The following AQP9 variants were observed in gnomAD, a reference collection of about 807,000 sequenced individuals.
The protein encoded by AQP9 is aquaporin-9.
In AQP9, 19 loss-of-function variants were observed where a neutral mutation model predicts 23.8. The observed-to-expected ratio is 0.80, with a 90% confidence interval of 0.56 to 1.17. AQP9 has a LOEUF of 1.17. Among genes scored for constraint, AQP9 ranks in the 50% most tolerant of loss-of-function variants. The pLI is 0.00. For missense variants in AQP9, 413 were observed against 362.0 expected (o/e 1.14, Z -1.14); for synonymous variants, 153 against 131.5 (o/e 1.16, Z -1.12).
rs149938012 is a variant in AQP9, at chr15:58,158,437, A to T, written c.112-8236A>T. Among the ~76,000 whole-genome samples, 50 of 152,326 alleles carry T rather than the reference A, an allele frequency of 3.3e-4. 2 individuals are homozygous for T. In the South Asian group the frequency reaches 9.7e-3, roughly 30 times the overall value. ...CTCAATTTGCTCATCCATGAGATGGAGATAATACTACTTACCTCCCAGAAT... is the reference window on the plus strand; with the variant it reads ...CTCAATTTGCTCATCCATGAGATGGTGATAATACTACTTACCTCCCAGAAT... On this transcript the variant is annotated intron_variant, in intron 1 of 5. Transcript: ENST00000219919.
chr15:58,152,825 C>T (rs1405430639), intron 1 of AQP9: 2 of 152,164 alleles, frequency 1.3e-5, no homozygotes, highest in Admixed American at 6.6e-5. Flanking sequence ...AACTCTTCAA[C>T]TCCCACTAAG....
intron 1 of AQP9, chr15:58,146,644 T>C (rs1453498812): frequency 1.3e-5 from 2 of 152,206 alleles, no homozygotes; most frequent in African/African-American, 4.8e-5. Flanking sequence ...TATACATCTG[T>C]ATTATAAATT....
chr15:58,182,273 T>C (rs1425119292), intron 5 of AQP9, among the ~76,000 whole-genome samples: 3 of 152,224 alleles, frequency 2.0e-5, no homozygotes, highest in African/African-American at 4.8e-5. Flanking sequence ...TCCCTAAAGA[T>C]GGTCCTTTAG....
In AQP9 at chr15:58,179,272, G is replaced by A. The variant is rs1392220161; in HGVS notation, c.640G>A (p.Ala214Thr). 3 of 1,614,052 alleles carry A rather than the reference G, an allele frequency of 1.9e-6. No homozygotes were observed. The South Asian group carries it at 3.3e-5, about 18-fold the overall frequency. The part of the protein sequence containing the change: ...ASSLGLNSGC[A>T]MNPARDLSPR... ...CTCCCTGGGACTGAACAGTGGCTGT[G>A]CCATGAACCCAGCTCGAGACCTGAG... Residue 214 changes from alanine (A) to threonine (T), a missense_variant, in exon 5 of 6, where the codon GCC becomes ACC. Ala to Thr is a moderately conservative substitution (Grantham distance 58). Transcript: ENST00000219919.
chr15:58,165,640 G>A, intron 1 of AQP9, among the ~76,000 whole-genome samples: 1 of 151,940 alleles, frequency 6.6e-6, no homozygotes, highest in Non-Finnish European at 1.5e-5. Flanking sequence ...GGTATACATG[G>A]ATCTCCTTTA....
At chr15:58,149,625 A>G (rs1898111798) in intron 1 of AQP9, among the ~76,000 whole-genome samples, 1 of 152,188 alleles carries the variant, frequency 6.6e-6, no homozygotes, top group South Asian at 2.1e-4. Context: ...TGTTATCTTC[A>G]TATGTTCAAA....
chr15:58,157,356 G>A (rs1475066067), intron 1 of AQP9, among the ~76,000 whole-genome samples: 2 of 152,182 alleles, frequency 1.3e-5, no homozygotes, highest in African/African-American at 4.8e-5. Flanking sequence ...GAACAATAAT[G>A]AATACATACC....
chr15:58,152,721 A>G (rs1468831118), intron 1 of AQP9: 2 of 152,182 alleles, frequency 1.3e-5, no homozygotes, highest in African/African-American at 2.4e-5. Context: ...AAAAATATCT[A>G]TTGCATGTGT....
intron 1 of AQP9, among the ~76,000 whole-genome samples, chr15:58,143,833 G>A (rs568720885): frequency 9.2e-5 from 14 of 152,230 alleles, no homozygotes; most frequent in African/African-American, 2.9e-4. Flanking sequence ...ACATGTTCAC[G>A]AGTTTCTCTG....
intron 1 of AQP9, among the ~76,000 whole-genome samples, chr15:58,143,500 T>G (rs1391606934): frequency 6.6e-6 from 1 of 152,228 alleles, no homozygotes. Context: ...CACAAGCAAG[T>G]GTGTGGTGGA....
At chr15:58,167,753 G>C (rs185441206) in intron 2 of AQP9, among the ~76,000 whole-genome samples, 173 of 151,824 alleles carry the variant, frequency 1.1e-3, no homozygotes, top group African/African-American at 4.0e-3. Flanking sequence ...TAGGAGTCTT[G>C]CTTTTCTCCC....
At chr15:58,161,611 G>C (rs1030236669) in intron 1 of AQP9, among the ~76,000 whole-genome samples, 88 of 152,184 alleles carry the variant, frequency 5.8e-4, no homozygotes, top group African/African-American at 2.1e-3. Flanking sequence ...ATTTGTTATA[G>C]ATGTCTTTTC....
At chr15:58,147,389 G>C (rs182576994) in intron 1 of AQP9, among the ~76,000 whole-genome samples, 202 of 152,226 alleles carry the variant, frequency 1.3e-3, no homozygotes, top group African/African-American at 4.6e-3. Context: ...GGTTCAAATG[G>C]CTGAAGCAGT....
intron 4 of AQP9, among the ~76,000 whole-genome samples, chr15:58,176,566 A>G (rs1452504803): frequency 6.6e-6 from 1 of 151,608 alleles, no homozygotes. Context: ...TGAAGCAGAG[A>G]GCATAGAAGA....
chr15:58,176,302 G>A (rs1257013140), intron 4 of AQP9, among the ~76,000 whole-genome samples: 1 of 152,084 alleles, frequency 6.6e-6, no homozygotes, highest in Non-Finnish European at 1.5e-5. Flanking sequence ...CAGGTCACTT[G>A]AGCCCAGGAG....
chr15:58,138,950 A>C, intron 1 of AQP9: 1 of 313,800 alleles, frequency 3.2e-6, no homozygotes, highest in African/African-American at 2.1e-5. Context: ...ATTTACTTAT[A>C]CTCTAAAATG....
At chr15:58,148,292 A>C (rs1481115865) in intron 1 of AQP9, among the ~76,000 whole-genome samples, 2 of 152,206 alleles carry the variant, frequency 1.3e-5, no homozygotes, top group African/African-American at 4.8e-5. Flanking sequence ...AGTTTTCTCA[A>C]CTGCAGGAAT....
At chr15:58,175,523 T>C (rs1259133734) in intron 4 of AQP9, among the ~76,000 whole-genome samples, 2 of 152,232 alleles carry the variant, frequency 1.3e-5, no homozygotes, top group Non-Finnish European at 2.9e-5. Flanking sequence ...CTTATTGACC[T>C]TTAAACAAGC....
At chr15:58,141,072 C>A (rs139987833) in intron 1 of AQP9, among the ~76,000 whole-genome samples, 256 of 152,298 alleles carry the variant, frequency 1.7e-3, no homozygotes, top group African/African-American at 5.5e-3. Flanking sequence ...TCTAATTTGG[C>A]CTTTTAGTCA....
Sources: allele counts gnomAD v4.1 joint callset (sites outside exome capture counted in the v4.1 genomes callset), GRCh38; gene constraint gnomAD v4.1.1; transcripts MANE v1.5; gene names NCBI Gene and HGNC (gene_info 2026-07-23, HGNC 2026-07-21).